FSTL5: variants seen among roughly 807,000 people sequenced by gnomAD.
The protein encoded by FSTL5 is follistatin-related protein 5.
FSTL5 carries 62 observed loss-of-function variants against 89.1 expected under a neutral mutation model. That is an observed-to-expected ratio of 0.70 (90% CI 0.57 to 0.86). FSTL5 has a LOEUF of 0.86. Ranked by LOEUF, FSTL5 falls within the 40% of genes least tolerant of loss-of-function variation. The pLI is 0.00. For synonymous variants in FSTL5, 383 were observed against 346.2 expected, an observed-to-expected ratio of 1.11 and a Z score of -1.18; for missense variants, 1,057 against 1,001.6, an observed-to-expected ratio of 1.06 and a Z score of -0.75.
intron 12 of FSTL5, among the ~76,000 whole-genome samples, chr4:161,489,821 G>A (rs569386103): frequency 1.3e-5 from 2 of 152,206 alleles, no homozygotes; most frequent in East Asian, 3.9e-4. Context: ...CCTGACAATA[G>A]ATATTCAACC....
At chr4:161,425,663 T>C (rs1177318641) in intron 15 of FSTL5, among the ~76,000 whole-genome samples, 1 of 152,176 alleles carries the variant, frequency 6.6e-6, no homozygotes, top group Admixed American at 6.5e-5. Flanking sequence ...AAGCTGGATG[T>C]TCTGGTCTGA....
rs185859151 is a variant in FSTL5, at chr4:161,785,358, A to G, written c.410-9284T>C. The stretch of plus-strand genomic sequence containing the variant: ...ATGTAATCTGATATGCATATTCAAT[A>G]ATAAATCATATTTCCCCTATCATCT... On this transcript the variant is annotated intron_variant, in intron 4 of 15. Transcript: ENST00000306100. 2.1e-3 allele frequency among the ~76,000 whole-genome samples: 322 copies of G among 152,150 alleles called. 4 individuals carry two copies. Among genetic ancestry groups the G allele is most frequent in the African/African-American group, 7.5e-3 (313 of 41,494 alleles).
At chr4:161,995,665 TG>T (rs150361295) in intron 3 of FSTL5, among the ~76,000 whole-genome samples, 8,345 of 152,212 alleles carry the variant, frequency 0.055, 259 homozygotes, top group Non-Finnish European at 0.077. Flanking sequence ...CATTATGATA[TG>T]GGTCACTAAG....
Position 161,654,497 on chromosome 4 carries a change from T to C in FSTL5, c.894+1831A>G, listed in dbSNP as rs144354482. Among the ~76,000 whole-genome samples, 96 of 152,256 alleles carry C rather than the reference T, an allele frequency of 6.3e-4. No homozygotes were observed. In the East Asian group the frequency reaches 0.017, roughly 27 times the overall value. The stretch of plus-strand genomic sequence containing the variant: ...TATGTGCTCAATGTTCTTGGCATCT[T>C]AGAGAATTAAGCATTATTCTCCAGA... On this transcript the variant is annotated intron_variant, in intron 7 of 15. Transcript: ENST00000306100.
intron 13 of FSTL5, among the ~76,000 whole-genome samples, chr4:161,471,469 T>C (rs1733940617): frequency 6.6e-6 from 1 of 152,228 alleles, no homozygotes; most frequent in Non-Finnish European, 1.5e-5. Context: ...TTTAGTTGTG[T>C]ATTTTTACAT....
chr4:161,476,076 A>G (rs1166170864), intron 13 of FSTL5, among the ~76,000 whole-genome samples: 5 of 119,296 alleles, frequency 4.2e-5, no homozygotes, highest in Non-Finnish European at 8.6e-5. Context: ...GTTTCTTTGT[A>G]CACCTTGTGA....
chr4:161,712,122 G>T (rs949508697), intron 6 of FSTL5, among the ~76,000 whole-genome samples: 1 of 152,116 alleles, frequency 6.6e-6, no homozygotes, highest in African/African-American at 2.4e-5. Context: ...CTTTGAGTTG[G>T]ATGGGGAGTG....
intron 2 of FSTL5, among the ~76,000 whole-genome samples, chr4:162,099,791 T>C (rs1256133899): frequency 6.6e-6 from 1 of 152,164 alleles, no homozygotes; most frequent in Non-Finnish European, 1.5e-5. Flanking sequence ...TCTTCAAAGA[T>C]ACACAATTGA....
intron 13 of FSTL5, among the ~76,000 whole-genome samples, chr4:161,468,279 G>A (rs2126428196): frequency 6.8e-6 from 1 of 147,826 alleles, no homozygotes; most frequent in East Asian, 2.0e-4. Context: ...GAACATATTT[G>A]ATATGTTGCT....
At chr4:161,619,073 A>G (rs1343562455) in intron 7 of FSTL5, among the ~76,000 whole-genome samples, 3 of 152,178 alleles carry the variant, frequency 2.0e-5, no homozygotes, top group Admixed American at 6.5e-5. Flanking sequence ...AAACCTGAGA[A>G]AAACAAGAAA....
chr4:162,078,381 A>G (rs1172438307), intron 2 of FSTL5, among the ~76,000 whole-genome samples: 1 of 151,842 alleles, frequency 6.6e-6, no homozygotes, highest in Non-Finnish European at 1.5e-5. Flanking sequence ...TGACTTTACA[A>G]ATAAGTGTAA....
intron 7 of FSTL5, among the ~76,000 whole-genome samples, chr4:161,655,977 T>G (rs932743972): frequency 6.6e-6 from 1 of 152,170 alleles, no homozygotes; most frequent in African/African-American, 2.4e-5. Flanking sequence ...ACATATGTAC[T>G]TGAACACGCA....
chr4:162,144,302 G>GT (rs1732885537), intron 1 of FSTL5, among the ~76,000 whole-genome samples: 2 of 152,140 alleles, frequency 1.3e-5, no homozygotes, highest in Non-Finnish European at 2.9e-5. Flanking sequence ...ATTTCCATTT[G>GT]TGTTATATGT....
chr4:161,676,638 G>T (rs1482572028), intron 6 of FSTL5, among the ~76,000 whole-genome samples: 1 of 151,550 alleles, frequency 6.6e-6, no homozygotes, highest in African/African-American at 2.4e-5. Flanking sequence ...ATGTATCCCA[G>T]AACTTAAAGT....
intron 6 of FSTL5, among the ~76,000 whole-genome samples, chr4:161,688,886 C>G (rs1175871919): frequency 2.0e-5 from 3 of 152,132 alleles, no homozygotes; most frequent in African/African-American, 7.2e-5. Flanking sequence ...TCTAAATATG[C>G]AATTACATCA....
At chr4:162,075,733 A>G (rs886214931) in intron 2 of FSTL5, among the ~76,000 whole-genome samples, 10 of 152,042 alleles carry the variant, frequency 6.6e-5, no homozygotes, top group African/African-American at 2.4e-4. Context: ...ATGTCCCATC[A>G]TCACACCAAG....
At chr4:162,029,286 T>C (rs1737426371) in intron 3 of FSTL5, among the ~76,000 whole-genome samples, 1 of 152,108 alleles carries the variant, frequency 6.6e-6, no homozygotes. Context: ...TATTTTCCTA[T>C]GGTTTCATAT....
rs553606404 is a variant in FSTL5 at position 161,409,828 on chromosome 4, A to T, written c.1842-23379T>A. Among the ~76,000 whole-genome samples the T allele has an allele frequency of 2.6e-5, 4 of 152,352 alleles. No homozygotes were observed. In the East Asian group the frequency reaches 7.7e-4, roughly 29 times the overall value. On this transcript the variant is annotated intron_variant, in intron 15 of 15. Transcript: ENST00000306100. ...AAGCAACTACAAATCACATCTATAT[A>T]TTAAATAACAAACAGCTAACAACAC...
Position 161,633,245 on chromosome 4 carries a change from C to T in FSTL5, c.894+23083G>A, listed in dbSNP as rs924565841. ...TTACTAAATTATACAGCTTCCCCCCCACTTTTGTTTTTGTTTTTGTTTTCT... is the reference window on the plus strand; with the variant it reads ...TTACTAAATTATACAGCTTCCCCCCTACTTTTGTTTTTGTTTTTGTTTTCT... On this transcript the variant is annotated intron_variant, in intron 7 of 15. Coordinates refer to ENST00000306100, the MANE Select transcript of FSTL5 (RefSeq NM_020116.5). Among the ~76,000 whole-genome samples the T allele has an allele frequency of 2.0e-5, 3 of 150,044 alleles. No individual in the cohort carries two copies. In the Admixed American group the frequency reaches 2.0e-4, roughly 10 times the overall value.
Sources: gnomAD v4.1 joint callset for allele counts (sites outside exome capture counted in the v4.1 genomes callset) on GRCh38, gnomAD v4.1.1 for gene constraint, MANE v1.5 for transcripts, NCBI Gene and HGNC (gene_info 2026-07-23, HGNC 2026-07-21) for gene names.